Variants in TAF4 observed in about 807,000 individuals in gnomAD.
TAF4 encodes the protein transcription initiation factor TFIID subunit 4.
Under a neutral mutation model 90.3 loss-of-function variants are expected in TAF4, and 9 were observed. The ratio of observed to expected loss-of-function variants is 0.10; its 90% CI spans 0.06 to 0.17. The LOEUF is 0.17. TAF4 is among the 10% of genes least tolerant of loss of function. The probability of loss-of-function intolerance (pLI) is 1.00; values close to 1 mark genes in which losing one functional copy is unlikely to be tolerated. For synonymous variants in TAF4, 818 were observed against 638.9 expected, an observed-to-expected ratio of 1.28 and a Z score of -4.23; for missense variants, 1,351 against 1,370.7, an observed-to-expected ratio of 0.99 and a Z score of 0.23.
At chr20:62,045,556 T>A (rs2055988520) in intron 1 of TAF4, among the ~76,000 whole-genome samples, 1 of 152,234 alleles carries the variant, frequency 6.6e-6, no homozygotes, top group Admixed American at 6.5e-5. Flanking sequence ...GAATACAGAC[T>A]AGCATGCGTT....
chr20:62,017,277 A>G (rs1052806473), intron 1 of TAF4, among the ~76,000 whole-genome samples: 1 of 152,172 alleles, frequency 6.6e-6, no homozygotes, highest in Admixed American at 6.5e-5. Context: ...CTCCACACCC[A>G]ATGTCAAACC....
chr20:62,041,767 T>TAA (rs58834929), intron 1 of TAF4, among the ~76,000 whole-genome samples: 33 of 140,982 alleles, frequency 2.3e-4, no homozygotes, highest in Admixed American at 5.0e-4. Context: ...CCCTTCTCTC[T>TAA]AAAAAAAAAA....
chr20:62,044,741 G>A (rs919987969), intron 1 of TAF4, among the ~76,000 whole-genome samples: 3 of 152,216 alleles, frequency 2.0e-5, no homozygotes, highest in African/African-American at 7.2e-5. Flanking sequence ...GAATTTACAG[G>A]AGGGGGAGAA....
chr20:62,047,571 TG>T (rs2056000699), intron 1 of TAF4, among the ~76,000 whole-genome samples: 1 of 152,098 alleles, frequency 6.6e-6, no homozygotes, highest in South Asian at 2.1e-4. Flanking sequence ...CACAGGCAAG[TG>T]AAGACCCCAT....
intron 1 of TAF4, 31 bp downstream of exon 1, chr20:62,064,420 C>A: frequency 7.8e-7 from 1 of 1,288,774 alleles, no homozygotes; most frequent in Non-Finnish European, 9.9e-7. Context: ...CTGGGAGCCG[C>A]CCTTCCCTCC....
chr20:62,047,757 C>T (rs967971321), intron 1 of TAF4, among the ~76,000 whole-genome samples: 2 of 152,246 alleles, frequency 1.3e-5, no homozygotes, highest in South Asian at 2.1e-4. Context: ...AACCAGACTT[C>T]GCCATGAGAA....
intron 14 of TAF4, among the ~76,000 whole-genome samples, chr20:61,985,759 ACAGGTG>A (rs1342949675): frequency 2.1e-4 from 32 of 151,778 alleles, no homozygotes; most frequent in African/African-American, 7.5e-4. Context: ...TGTGTTCAGC[ACAGGTG>A]CAGGTGCAGA....
chr20:62,046,698 T>G (rs1441850396), intron 1 of TAF4, among the ~76,000 whole-genome samples: 1 of 152,216 alleles, frequency 6.6e-6, no homozygotes, highest in Non-Finnish European at 1.5e-5. Flanking sequence ...CTGTCAGCGT[T>G]GAGGGTCCCA....
At chr20:62,055,127 A>T (rs958775764) in intron 1 of TAF4, among the ~76,000 whole-genome samples, 1 of 152,178 alleles carries the variant, frequency 6.6e-6, no homozygotes, top group African/African-American at 2.4e-5. Context: ...AGGCACTTGG[A>T]ATCAATTCAC....
chr20:62,064,185 G>A (rs375620913), intron 1 of TAF4: 1 of 383,618 alleles, frequency 2.6e-6, no homozygotes, highest in South Asian at 1.1e-4. Flanking sequence ...GAGCCACTCC[G>A]AAACAGACCA....
intron 1 of TAF4, among the ~76,000 whole-genome samples, chr20:62,028,201 C>T (rs1173953431): frequency 1.3e-5 from 2 of 152,172 alleles, no homozygotes; most frequent in Non-Finnish European, 2.9e-5. Context: ...GGGACAGACC[C>T]ACCCAACACA....
intron 1 of TAF4, among the ~76,000 whole-genome samples, chr20:62,059,679 C>T (rs1285933065): frequency 1.3e-5 from 2 of 152,228 alleles, no homozygotes; most frequent in East Asian, 3.9e-4. Flanking sequence ...CTGCCTGAGC[C>T]GGGCACCACA....
Position 61,976,048 on chromosome 20 carries a change from C to G in TAF4, c.*120G>C. 1 of 1,087,514 alleles carries G rather than the reference C, an allele frequency of 9.2e-7. No individual in the cohort carries two copies. Among genetic ancestry groups the G allele is most frequent in the Non-Finnish European group, 1.3e-6 (1 of 745,594 alleles). The allele number at this position is 1,087,514 out of a possible 1,614,324, so 67.4% of individuals were successfully genotyped here. A position where few individuals can be genotyped will look rare whatever the true frequency, so the allele number is the denominator to read the frequency against. ...TCACACTGAAGAGCTGATTTAGAAACAGGAATATAAAACTGTTCCATTGTA... is the reference window on the plus strand; with the variant it reads ...TCACACTGAAGAGCTGATTTAGAAAGAGGAATATAAAACTGTTCCATTGTA... On this transcript the variant is annotated 3_prime_UTR_variant, in exon 15 of 15. Coordinates refer to ENST00000252996, the MANE Select transcript of TAF4 (RefSeq NM_003185.4).
chr20:62,003,998 C>A, intron 7 of TAF4, 120 bp from the exon 8 acceptor site: 2 of 1,260,370 alleles, frequency 1.6e-6, no homozygotes, highest in Non-Finnish European at 2.1e-6. Context: ...GTAAGAAGTC[C>A]TAGGAAGACC....
chr20:62,055,257 C>T (rs1289482099), intron 1 of TAF4, among the ~76,000 whole-genome samples: 3 of 150,024 alleles, frequency 2.0e-5, no homozygotes, highest in Admixed American at 6.6e-5. Flanking sequence ...ACGCTGCCTG[C>T]GGGCAGTCCT....
Position 62,006,531 on chromosome 20 carries a change from C to T in TAF4, c.2202G>A (p.Lys734=). 2 of 1,544,722 alleles carry T rather than the reference C, an allele frequency of 1.3e-6. No individual in the cohort carries two copies. The highest frequency in any genetic ancestry group is 1.7e-6 in the Non-Finnish European group (2 of 1,146,398). ...ATACCAGCGGTGTGGGTTGCCCCTGCTTGCCGACGCCGACCTGCGTGGGCT... is the reference window on the plus strand; with the variant it reads ...ATACCAGCGGTGTGGGTTGCCCCTGTTTGCCGACGCCGACCTGCGTGGGCT... ...LTQPTQVGVG[K]QGQPTPLVIQ... Residue 734 remains lysine (K), a synonymous_variant, in exon 7 of 15, where the codon AAG becomes AAA. Coordinates refer to ENST00000252996, the MANE Select transcript of TAF4 (RefSeq NM_003185.4). This position sits in a 1 kb window ranked among gnomAD's most constrained non-coding sequence, Gnocchi z 7.0.
chr20:62,033,828 G>A (rs2145495618), intron 1 of TAF4, among the ~76,000 whole-genome samples: 1 of 152,072 alleles, frequency 6.6e-6, no homozygotes, highest in East Asian at 1.9e-4. Flanking sequence ...GGATCACGAG[G>A]TCAGGAGATC....
intron 2 of TAF4, among the ~76,000 whole-genome samples, chr20:62,013,369 G>A (rs1243777333): frequency 6.6e-6 from 1 of 152,256 alleles, no homozygotes; most frequent in East Asian, 1.9e-4. Context: ...GCCCAGGACA[G>A]AGGGACGCCA....
rs1461054826 is a variant in TAF4 at position 61,982,018 on chromosome 20, G to C, written c.3091-5683C>G. 2.4e-5 allele frequency among the ~76,000 whole-genome samples: 3 copies of C among 123,776 alleles called. No homozygotes were observed. The Admixed American group carries it at 2.5e-4, about 10-fold the overall frequency. The allele number at this position is 123,776 out of a possible 152,430, so 81.2% of individuals were successfully genotyped here. On this transcript the variant is annotated intron_variant, in intron 14 of 14. Coordinates refer to ENST00000252996, the MANE Select transcript of TAF4 (RefSeq NM_003185.4). The stretch of plus-strand genomic sequence containing the variant: ...GACACCAAACTCACACCCCACCCGA[G>C]AGGAGACATCAAACCCACACCCCAC...
Sources: allele counts gnomAD v4.1 joint callset (sites outside exome capture counted in the v4.1 genomes callset), GRCh38; gene constraint gnomAD v4.1.1; non-coding constraint Gnocchi (gnomAD v3.1); transcripts MANE v1.5; gene names NCBI Gene and HGNC (gene_info 2026-07-23, HGNC 2026-07-21).